Variants in TACC1 observed in about 807,000 individuals in gnomAD.
TACC1 encodes transforming acidic coiled-coil containing protein 1.
A neutral mutation model predicts 84.4 loss-of-function variants in TACC1; 48 were observed. The observed-to-expected ratio is 0.57, with a 90% CI of 0.45 to 0.72. The LOEUF is 0.72. Among genes scored for constraint, TACC1 ranks in the 30% least tolerant of loss-of-function variants. The pLI is 0.00. For missense variants in TACC1, 920 were observed against 973.0 expected, an observed-to-expected ratio of 0.95 and a Z score of 0.72; for synonymous variants, 372 against 376.3, an observed-to-expected ratio of 0.99 and a Z score of 0.13.
At chr8:38,735,461 T>C (rs1805784230) in intron 1 of TACC1, among the ~76,000 whole-genome samples, 1 of 152,162 alleles carries the variant, frequency 6.6e-6, no homozygotes, top group Admixed American at 6.5e-5. Flanking sequence ...CCGGGTAGAT[T>C]TAGCCAGAGG....
chr8:38,799,108 T>A (rs1054311366), intron 2 of TACC1, among the ~76,000 whole-genome samples: 2 of 152,160 alleles, frequency 1.3e-5, no homozygotes, highest in Non-Finnish European at 2.9e-5. Context: ...GAATCACGCT[T>A]GTTTCCCTCC....
intron 2 of TACC1, among the ~76,000 whole-genome samples, chr8:38,808,553 C>T (rs1374517828): frequency 1.3e-5 from 2 of 152,242 alleles, no homozygotes; most frequent in Non-Finnish European, 2.9e-5. Context: ...GCTGGAACTA[C>T]AAGCATGTGC....
At chr8:38,765,458 T>C (rs1812060407) in intron 3 of TACC1, among the ~76,000 whole-genome samples, 1 of 152,212 alleles carries the variant, frequency 6.6e-6, no homozygotes, top group Non-Finnish European at 1.5e-5. Flanking sequence ...AGTGACAAGT[T>C]GTTTTTTTCT....
At chr8:38,801,917 G>A (rs1821456074) in intron 2 of TACC1, among the ~76,000 whole-genome samples, 1 of 152,050 alleles carries the variant, frequency 6.6e-6, no homozygotes, top group Admixed American at 6.6e-5. Flanking sequence ...TGTTGTTGTT[G>A]TTTGTTTGTT....
rs114297925 is a variant in TACC1 at position 38,756,421 on chromosome 8, G to A, written c.26+10928G>A. Among the ~76,000 whole-genome samples, 533 of 152,264 alleles carry A rather than the reference G, an allele frequency of 3.5e-3. 3 individuals carry two copies. The highest frequency in any genetic ancestry group is 0.012 in the African/African-American group (501 of 41,546). ...AGGATTCCAGTCTGCTGGAAAAAGC[G>A]CTAGAATAAGGACAGGTGGCTGGAG... On this transcript the variant is annotated intron_variant, in intron 3 of 14. Transcript: ENST00000518415.
In TACC1 at chr8:38,852,358, G is replaced by C. The variant is rs1386061399; in HGVS notation, c.*4335G>C. On this transcript the variant is annotated 3_prime_UTR_variant, in exon 13 of 13. Transcript: ENST00000317827. Reference sequence around the variant, plus strand: ...TAATGCTTTAACTTGTATGGAGGAGGCCAGGCTCAGAGCTGAGATGTGGCC... The same window carrying C: ...TAATGCTTTAACTTGTATGGAGGAGCCCAGGCTCAGAGCTGAGATGTGGCC... 1 of 163,512 alleles carries C rather than the reference G, an allele frequency of 6.1e-6. No homozygotes were observed. The highest frequency in any genetic ancestry group is 1.4e-5 in the Non-Finnish European group (1 of 74,038). 10.1% of individuals were successfully genotyped at this position (163,512 alleles called of 1,614,324 possible). A position where few individuals can be genotyped will look rare whatever the true frequency, so the allele number is the denominator to read the frequency against.
intron 3 of TACC1, among the ~76,000 whole-genome samples, chr8:38,771,398 C>T (rs866024290): frequency 2.3e-4 from 35 of 152,248 alleles, no homozygotes; most frequent in Middle Eastern, 3.4e-3. Context: ...AGACACCATA[C>T]GCTCCTGAGG....
In TACC1 at chr8:38,840,230, T is replaced by A. The variant is rs1261333383; in HGVS notation, c.1923T>A (p.Ile641=). ...TTCTTTTTTTCTCATTTAGGAAAAT[T>A]GTAGCTGAATATGAAAAGACTATTG... ...TRQEVLEMRK[I]VAEYEKTIAQ... The change falls in exon 9 of 13, where the codon ATT becomes ATA. Residue 641 remains isoleucine, a synonymous_variant. Coordinates refer to ENST00000317827, the MANE Select transcript of TACC1 (RefSeq NM_006283.3). 6.2e-7 allele frequency: 1 copy of A among 1,608,862 alleles called. No homozygotes were observed. The highest frequency in any genetic ancestry group is 8.5e-7 in the Non-Finnish European group (1 of 1,178,248).
chr8:38,821,823 G>A (rs553794281), intron 3 of TACC1, among the ~76,000 whole-genome samples: 3 of 152,112 alleles, frequency 2.0e-5, no homozygotes, highest in Non-Finnish European at 2.9e-5. Flanking sequence ...TGTGAACATC[G>A]TCAAGTGAAC....
At chr8:38,752,694 C>G (rs909400891) in intron 3 of TACC1, among the ~76,000 whole-genome samples, 7 of 152,104 alleles carry the variant, frequency 4.6e-5, no homozygotes, top group African/African-American at 1.7e-4. Context: ...TAAGGGCTGC[C>G]TCCTTCCCTC....
intron 3 of TACC1, among the ~76,000 whole-genome samples, chr8:38,778,316 G>C (rs929709691): frequency 6.6e-6 from 1 of 151,598 alleles, no homozygotes; most frequent in African/African-American, 2.4e-5. Flanking sequence ...GTTTACAATG[G>C]GTACAGAAGG....
At chr8:38,806,822 C>T (rs1822865945) in intron 2 of TACC1, among the ~76,000 whole-genome samples, 1 of 152,138 alleles carries the variant, frequency 6.6e-6, no homozygotes, top group African/African-American at 2.4e-5. Flanking sequence ...TACTTACTTT[C>T]TCGAGTTAGC....
rs989356765 is a variant in TACC1 at position 38,758,904 on chromosome 8, G to T, written c.26+13411G>T. Among the ~76,000 whole-genome samples the T allele has an allele frequency of 2.6e-5, 4 of 151,978 alleles. No individual in the cohort carries two copies. In the South Asian group the frequency reaches 8.3e-4, roughly 32 times the overall value. On this transcript the variant is annotated intron_variant, in intron 3 of 14. Coordinates refer to the TACC1 transcript ENST00000518415. Reference sequence around the variant, plus strand: ...AGTGGTGGACCCCAGAGCTCATGCCGCAGCCGCCTCCCACCCAAGAGTTGG... The same window carrying T: ...AGTGGTGGACCCCAGAGCTCATGCCTCAGCCGCCTCCCACCCAAGAGTTGG...
At chr8:38,742,394 C>T (rs1442145007) in exon 2 of TACC1, 3 of 1,510,914 alleles carry the variant, frequency 2.0e-6, no homozygotes, top group Middle Eastern at 1.7e-4. Flanking sequence ...GTCTTGATTG[C>T]TGGCATGTTT....
intron 3 of TACC1, among the ~76,000 whole-genome samples, chr8:38,754,244 G>A (rs932536150): frequency 6.6e-6 from 1 of 152,022 alleles, no homozygotes; most frequent in African/African-American, 2.4e-5. Context: ...GAGCCACCGC[G>A]CCCGGCCTTT....
chr8:38,800,392 C>T (rs1311929329), intron 2 of TACC1, among the ~76,000 whole-genome samples: 2 of 152,118 alleles, frequency 1.3e-5, no homozygotes, highest in African/African-American at 2.4e-5. Flanking sequence ...AAACCCTATA[C>T]CCATTAGGTG....
intron 1 of TACC1, among the ~76,000 whole-genome samples, chr8:38,733,211 C>A (rs976532316): frequency 9.9e-5 from 15 of 152,056 alleles, no homozygotes; most frequent in Non-Finnish European, 1.8e-4. Context: ...CAGTCACACT[C>A]TAACAAGACA....
At position 38,840,332 on chromosome 8, in the gene TACC1, G is replaced by A; in HGVS notation, c.1960+65G>A. On this transcript the variant is annotated intron_variant, in intron 9 of 12. Coordinates refer to ENST00000317827, the MANE Select transcript of TACC1 (RefSeq NM_006283.3). ...GGATCTGTCTTAGTCTGTTCAGCCT[G>A]GTATAACAAAATATGTAAGCTAGGT... 3 of 1,441,526 alleles carry A rather than the reference G, an allele frequency of 2.1e-6. No individual in the cohort carries two copies. In the South Asian group the frequency reaches 3.5e-5, roughly 17 times the overall value. The allele number at this position is 1,441,526 out of a possible 1,614,324, so 89.3% of individuals were successfully genotyped here.
chr8:38,743,178 C>T (rs948874903), intron 2 of TACC1, among the ~76,000 whole-genome samples: 2 of 152,120 alleles, frequency 1.3e-5, no homozygotes, highest in Non-Finnish European at 1.5e-5. Context: ...ATTTGCAAGA[C>T]GTTCATCCTG....
Sources: gnomAD v4.1 joint callset for allele counts (sites outside exome capture counted in the v4.1 genomes callset) on GRCh38, gnomAD v4.1.1 for gene constraint, MANE v1.5 for transcripts, NCBI Gene and HGNC (gene_info 2026-07-23, HGNC 2026-07-21) for gene names.